TBCK: variants seen among roughly 807,000 people sequenced by gnomAD.
TBCK encodes TBC1 domain containing kinase.
A neutral mutation model predicts 113.4 loss-of-function variants in TBCK; 99 were observed. The observed-to-expected ratio is 0.87, with a 90% CI of 0.74 to 1.03. The LOEUF (loss-of-function observed/expected upper bound fraction) is 1.03, where lower values mean the gene tolerates loss of function less well. TBCK is among the 50% of genes least tolerant of loss of function. The probability of loss-of-function intolerance (pLI) is 0.00; values close to 1 mark genes in which losing one functional copy is unlikely to be tolerated. For synonymous variants in TBCK, 369 were observed against 370.8 expected (o/e 1.00, Z 0.05); for missense variants, 1,045 against 1,061.3 (o/e 0.98, Z 0.21).
intron 19 of TBCK, among the ~76,000 whole-genome samples, chr4:106,220,363 G>A (rs577583517): frequency 5.3e-5 from 8 of 152,092 alleles, no homozygotes; most frequent in African/African-American, 1.9e-4. Context: ...CCATCATTCT[G>A]GGGCTTCCCC....
chr4:106,298,880 G>A (rs913952927), intron 2 of TBCK, among the ~76,000 whole-genome samples: 3 of 152,156 alleles, frequency 2.0e-5, no homozygotes, highest in African/African-American at 4.8e-5. Flanking sequence ...GAAGAAACAC[G>A]TTCTGACTGA....
chr4:106,232,854 T>TTTAGA, intron 17 of TBCK, 84 bp downstream of exon 17: 1 of 1,334,246 alleles, frequency 7.5e-7, no homozygotes, highest in Non-Finnish European at 1.0e-6. Context: ...GACAAGGATG[T>TTTAGA]TTAGATATTT....
chr4:106,149,341 T>G (rs1475550836), intron 23 of TBCK, among the ~76,000 whole-genome samples: 4 of 152,242 alleles, frequency 2.6e-5, no homozygotes, highest in Non-Finnish European at 5.9e-5. Context: ...GTCTAGCTTT[T>G]GGGCTATCTT....
rs1733991569 is a variant in TBCK, at chr4:106,043,760, T to C, written c.*2810A>G. 6.6e-6 allele frequency: 1 copy of C among 151,846 alleles called. No homozygotes were observed. Among genetic ancestry groups the C allele is most frequent in the Admixed American group, 6.6e-5 (1 of 15,216 alleles). The allele number at this position is 151,846 out of a possible 1,614,324, so 9.4% of individuals were successfully genotyped here. ...GAGTGTGTGTGTGTGTGTGTGTGTA[T>C]GTATATCTGTGTGGGCTGGTGGTGG... On this transcript the variant is annotated 3_prime_UTR_variant, in exon 26 of 26. Transcript: ENST00000394708.
rs368051565 is a variant in TBCK at position 106,298,317 on chromosome 4, C to T, written c.194-3151G>A. 2.0e-4 allele frequency among the ~76,000 whole-genome samples: 30 copies of T among 152,006 alleles called. No individual in the cohort carries two copies. The South Asian group carries it at 5.8e-3, about 29-fold the overall frequency. On this transcript the variant is annotated intron_variant, in intron 2 of 25. Transcript: ENST00000394708. ...ATCTCTCACCAGCAATTAATATATG[C>T]CAAAAAGAAGACGTGGCCGGGCACG...
At chr4:106,064,206 C>T (rs536841152) in intron 25 of TBCK, among the ~76,000 whole-genome samples, 6 of 144,026 alleles carry the variant, frequency 4.2e-5, no homozygotes, top group South Asian at 2.1e-4. Flanking sequence ...AATGGCATGT[C>T]TTGCTTATTA....
chr4:106,154,982 T>A (rs1448923211), intron 23 of TBCK, among the ~76,000 whole-genome samples: 1 of 152,092 alleles, frequency 6.6e-6, no homozygotes, highest in African/African-American at 2.4e-5. Context: ...AGATAATCTA[T>A]TACTCATTAA....
At chr4:106,283,442 GAGA>G (rs1466647095) in intron 3 of TBCK, among the ~76,000 whole-genome samples, 1 of 152,050 alleles carries the variant, frequency 6.6e-6, no homozygotes, top group East Asian at 1.9e-4. Flanking sequence ...TGCTTTGGTT[GAGA>G]AGAAGAGTAC....
At chr4:106,314,214 A>T (rs1768507332) in intron 1 of TBCK, among the ~76,000 whole-genome samples, 1 of 152,222 alleles carries the variant, frequency 6.6e-6, no homozygotes, top group African/African-American at 2.4e-5. Flanking sequence ...TTCTGAAGTG[A>T]TAAAGAAAAA....
At chr4:106,198,352 A>G (rs1754496232) in intron 20 of TBCK, among the ~76,000 whole-genome samples, 1 of 152,110 alleles carries the variant, frequency 6.6e-6, no homozygotes, top group Admixed American at 6.6e-5. Flanking sequence ...TAGTATTATT[A>G]TTAATATCAG....
At chr4:106,226,896 C>T (rs1273578123) in intron 19 of TBCK, among the ~76,000 whole-genome samples, 1 of 152,016 alleles carries the variant, frequency 6.6e-6, no homozygotes, top group African/African-American at 2.4e-5. Context: ...TAATAAGGTA[C>T]AGGACACAAC....
chr4:106,148,091 G>A (rs1159989754), intron 23 of TBCK, among the ~76,000 whole-genome samples: 1 of 152,140 alleles, frequency 6.6e-6, no homozygotes, highest in Non-Finnish European at 1.5e-5. Flanking sequence ...ATAAATTTTG[G>A]TCAGACCAGT....
At chr4:106,120,357 A>C (rs1744154934) in intron 23 of TBCK, among the ~76,000 whole-genome samples, 1 of 152,036 alleles carries the variant, frequency 6.6e-6, no homozygotes. Context: ...GCAGTCTGAG[A>C]TCAAACTGCA....
chr4:106,159,217 T>C (rs1291952458), intron 23 of TBCK, among the ~76,000 whole-genome samples: 1 of 152,088 alleles, frequency 6.6e-6, no homozygotes, highest in Non-Finnish European at 1.5e-5. Context: ...GAGCTTTTCC[T>C]CTGACATAAT....
chr4:106,159,085 C>T (rs1268980764), intron 23 of TBCK, among the ~76,000 whole-genome samples: 1 of 145,286 alleles, frequency 6.9e-6, no homozygotes, highest in African/African-American at 2.5e-5. Context: ...AAAAAAAGAA[C>T]AAAATCAAAC....
At position 106,230,432 on chromosome 4, in the gene TBCK, A is replaced by G. The variant is rs771839389; in HGVS notation, c.1705T>C (p.Cys569Arg). The G allele has an allele frequency of 6.2e-7, 1 of 1,602,250 alleles. No homozygotes were observed. The highest frequency in any genetic ancestry group is 8.5e-7 in the Non-Finnish European group (1 of 1,172,056). ...TATTTGGGAATAAAAGCAGACATACATGCATAAGCCAAGGCTAAAAGAGAA... is the reference window on the plus strand; with the variant it reads ...TATTTGGGAATAAAAGCAGACATACGTGCATAAGCCAAGGCTAAAAGAGAA... ...NFNNEALAYA[C>R]MSAFIPKYLY... The change falls in exon 19 of 26, where the codon TGT becomes CGT. Residue 569 changes from cysteine to arginine, a missense_variant. Cys to Arg is a radical substitution (Grantham distance 180). Transcript: ENST00000394708.
At chr4:106,134,176 G>A (rs554127991) in intron 23 of TBCK, among the ~76,000 whole-genome samples, 43 of 152,056 alleles carry the variant, frequency 2.8e-4, no homozygotes, top group African/African-American at 9.4e-4. Flanking sequence ...GTAAAACTCT[G>A]AGATTTTTTT....
chr4:106,117,059 T>A (rs1357602350), intron 23 of TBCK, among the ~76,000 whole-genome samples: 1 of 152,054 alleles, frequency 6.6e-6, no homozygotes, highest in Non-Finnish European at 1.5e-5. Context: ...GGACCGCTGG[T>A]GTAACTGATA....
intron 20 of TBCK, among the ~76,000 whole-genome samples, chr4:106,209,553 A>G (rs1755897361): frequency 6.6e-6 from 1 of 152,146 alleles, no homozygotes. Context: ...TCTAGAATTT[A>G]TTTTTATGTG....
Sources: allele counts gnomAD v4.1 joint callset (sites outside exome capture counted in the v4.1 genomes callset), GRCh38; gene constraint gnomAD v4.1.1; transcripts MANE v1.5; gene names NCBI Gene and HGNC (gene_info 2026-07-23, HGNC 2026-07-21).